The following PLEKHB2 variants were observed in gnomAD, a reference collection of about 807,000 sequenced individuals.
The protein encoded by PLEKHB2 is pleckstrin homology domain-containing family B member 2.
In PLEKHB2, 31 loss-of-function variants were observed where a neutral mutation model predicts 36.5. That is an observed-to-expected ratio of 0.85 (90% CI 0.64 to 1.15). The LOEUF (loss-of-function observed/expected upper bound fraction) is 1.15, where lower values mean the gene tolerates loss of function less well. Ranked by LOEUF, PLEKHB2 falls within the 50% of genes most tolerant of loss-of-function variation. The probability of loss-of-function intolerance (pLI) is 0.00; values close to 1 mark genes in which losing one functional copy is unlikely to be tolerated. For missense variants in PLEKHB2, 262 were observed against 295.3 expected, an observed-to-expected ratio of 0.89 and a Z score of 0.83; for synonymous variants, 119 against 112.0, an observed-to-expected ratio of 1.06 and a Z score of -0.39.
chr2:131,133,008 G>A lies in PLEKHB2; in HGVS notation c.423+17G>A, dbSNP rs376181946. ...GCCCCTGAGGTAGGGAGAACCCTGAGCCTCCAGGTGAGGGAAGTTTGGGGT... is the reference window on the plus strand; with the variant it reads ...GCCCCTGAGGTAGGGAGAACCCTGAACCTCCAGGTGAGGGAAGTTTGGGGT... On this transcript the variant is annotated intron_variant, in intron 6 of 7. Transcript: ENST00000693505. 1.3e-6 allele frequency: 2 copies of A among 1,595,782 alleles called. No individual in the cohort carries two copies. The highest frequency in any genetic ancestry group is 1.7e-6 in the Non-Finnish European group (2 of 1,163,470).
intron 7 of PLEKHB2, among the ~76,000 whole-genome samples, chr2:131,145,007 TC>T (rs1277661254): frequency 6.6e-6 from 1 of 152,256 alleles, no homozygotes; most frequent in Non-Finnish European, 1.5e-5. Context: ...CTGTACCAGA[TC>T]AGCCCTTAGA....
chr2:131,138,015 A>ATTTT (rs779343791), intron 6 of PLEKHB2, among the ~76,000 whole-genome samples: 2 of 113,294 alleles, frequency 1.8e-5, no homozygotes, highest in African/African-American at 3.4e-5. Context: ...AGAGATGCTC[A>ATTTT]TTTTTTTTTT....
rs1699351244 is a variant in PLEKHB2, at chr2:131,147,003, T to A, written c.*230T>A. 2.6e-6 allele frequency: 1 copy of A among 377,812 alleles called. No homozygotes were observed. Among genetic ancestry groups the A allele is most frequent in the African/African-American group, 2.1e-5 (1 of 48,252 alleles). The allele number at this position is 377,812 out of a possible 1,614,324, so 23.4% of individuals were successfully genotyped here. A position where few individuals can be genotyped will look rare whatever the true frequency, so the allele number is the denominator to read the frequency against. On this transcript the variant is annotated 3_prime_UTR_variant, in exon 8 of 8. Transcript: ENST00000693505. The stretch of plus-strand genomic sequence containing the variant: ...CGGGGGCACTGGCTCATTCCAAGAC[T>A]GTTCTTGTGCAACTCTCAGAATACC...
At chr2:131,144,995 A>T (rs1699141103) in intron 7 of PLEKHB2, among the ~76,000 whole-genome samples, 1 of 152,202 alleles carries the variant, frequency 6.6e-6, no homozygotes. Flanking sequence ...CAGTACTGTT[A>T]CCTGTACCAG....
At chr2:131,126,931 A>G in intron 4 of PLEKHB2, 145 bp downstream of exon 4, 1 of 600,642 alleles carries the variant, frequency 1.7e-6, no homozygotes, top group South Asian at 2.0e-5. Context: ...GAAATGCAAG[A>G]GTCGCTTTTC....
chr2:131,117,094 T>C (rs112492107), intron 1 of PLEKHB2, among the ~76,000 whole-genome samples: 3,374 of 150,488 alleles, frequency 0.022, 123 homozygotes, highest in African/African-American at 0.078. Flanking sequence ...TGCACTCCAG[T>C]CTGAGTGACA....
chr2:131,135,944 G>A (rs114868566), intron 6 of PLEKHB2, among the ~76,000 whole-genome samples: 2,104 of 152,102 alleles, frequency 0.014, 46 homozygotes, highest in African/African-American at 0.048. Flanking sequence ...CATTTATTAT[G>A]AATGTACTGT....
In PLEKHB2 at chr2:131,126,737, C is replaced by T; in HGVS notation, c.244C>T (p.Arg82Ter). ...SKDCMLQIVC[R>*]DGKTISLCAE... ...AGACTGCATGCTCCAGATTGTTTGT[C>T]GAGATGGGAAAACAATTAGTCTTTG... The change falls in exon 4 of 8, where the codon CGA becomes TGA. Residue 82 changes from arginine (R) to a stop codon, truncating the protein, a stop_gained. Transcript: ENST00000693505. LOFTEE classifies it high-confidence loss of function. 2 of 1,611,634 alleles carry T rather than the reference C, an allele frequency of 1.2e-6. No homozygotes were observed. The highest frequency in any genetic ancestry group is 1.7e-6 in the Non-Finnish European group (2 of 1,177,764).
chr2:131,125,975 T>C (rs1295761424), intron 3 of PLEKHB2, 70 bp downstream of exon 3: 2 of 1,448,590 alleles, frequency 1.4e-6, no homozygotes, highest in East Asian at 2.3e-5. Flanking sequence ...CTTGGTCCTC[T>C]TCCTTCCCTG....
At chr2:131,112,663 ATTG>A (rs909404991) in intron 1 of PLEKHB2, among the ~76,000 whole-genome samples, 1 of 152,098 alleles carries the variant, frequency 6.6e-6, no homozygotes, top group Non-Finnish European at 1.5e-5. Context: ...TTGGCTGTAT[ATTG>A]TTCTTTGTAC....
At chr2:131,107,131 C>A (rs1281279239) in intron 1 of PLEKHB2, among the ~76,000 whole-genome samples, 1 of 152,160 alleles carries the variant, frequency 6.6e-6, no homozygotes, top group African/African-American at 2.4e-5. Context: ...TGCCTGCCTT[C>A]TTACTGTTTG....
intron 1 of PLEKHB2, chr2:131,107,491 A>G (rs11901794): frequency 0.15 from 23,258 of 152,082 alleles, 1,964 homozygotes; most frequent in South Asian, 0.25. Flanking sequence ...TTGACTCTCC[A>G]CTGTTGCCCT....
chr2:131,109,541 T>C (rs1695074673), intron 1 of PLEKHB2, among the ~76,000 whole-genome samples: 2 of 151,804 alleles, frequency 1.3e-5, no homozygotes, highest in African/African-American at 4.8e-5. Context: ...AGTACAAAAA[T>C]CAGCTGTGCG....
intron 2 of PLEKHB2, 125 bp downstream of exon 2, chr2:131,121,103 TC>T: frequency 2.4e-6 from 2 of 840,614 alleles, no homozygotes; most frequent in Non-Finnish European, 3.8e-6. Flanking sequence ...GCCTTGAGTT[TC>T]CCCTTGGACA....
rs1699549735 is a variant in PLEKHB2 at position 131,149,751 on chromosome 2, T to C, written c.*2978T>C. On this transcript the variant is annotated 3_prime_UTR_variant, in exon 8 of 8. Coordinates refer to ENST00000693505, the MANE Select transcript of PLEKHB2 (RefSeq NM_001100623.2). ...ATTGCTTTCCCGTCTCTAGTAGTAT[T>C]CTGTTGTGTCTAGAGAACTGATTTT... is the stretch of plus-strand genomic sequence containing the variant. The C allele has an allele frequency of 6.6e-6, 1 of 152,260 alleles. No individual in the cohort carries two copies. The highest frequency in any genetic ancestry group is 1.5e-5 in the Non-Finnish European group (1 of 68,040). 9.4% of individuals were successfully genotyped at this position (152,260 alleles called of 1,614,324 possible). A position where few individuals can be genotyped will look rare whatever the true frequency, so the allele number is the denominator to read the frequency against.
intron 6 of PLEKHB2, among the ~76,000 whole-genome samples, chr2:131,133,889 T>TA (rs1573603245): frequency 6.6e-6 from 1 of 151,910 alleles, no homozygotes; most frequent in East Asian, 1.9e-4. Flanking sequence ...TAATCCTTTT[T>TA]ATTGCTGAGT....
At chr2:131,107,215 C>T (rs1306281985) in intron 1 of PLEKHB2, among the ~76,000 whole-genome samples, 5 of 152,230 alleles carry the variant, frequency 3.3e-5, no homozygotes, top group Non-Finnish European at 7.3e-5. Flanking sequence ...GTTAAAAATG[C>T]TCCCAAAGTG....
At chr2:131,133,161 A>C in intron 6 of PLEKHB2, 170 bp downstream of exon 6, 1 of 604,290 alleles carries the variant, frequency 1.7e-6, no homozygotes, top group East Asian at 2.8e-5. Context: ...ACTATTTTAT[A>C]TAGTTCAGCA....
chr2:131,142,752 C>T (rs1012488670), intron 7 of PLEKHB2, among the ~76,000 whole-genome samples: 4 of 151,934 alleles, frequency 2.6e-5, no homozygotes, highest in Non-Finnish European at 5.9e-5. Context: ...GAGATGGTTT[C>T]ACCCTGTTGG....
Sources: allele counts gnomAD v4.1 joint callset (sites outside exome capture counted in the v4.1 genomes callset), GRCh38; gene constraint gnomAD v4.1.1; transcripts MANE v1.5; gene names NCBI Gene and HGNC (gene_info 2026-07-23, HGNC 2026-07-21).